Variants in PPFIA2 observed in about 807,000 individuals in gnomAD.
PPFIA2 encodes the protein PPFI scaffold protein A2.
Under a neutral mutation model 175.5 loss-of-function variants are expected in PPFIA2, and 46 were observed. The observed-to-expected ratio is 0.26, with a 90% CI of 0.21 to 0.34. The LOEUF (loss-of-function observed/expected upper bound fraction) is 0.34, where lower values mean the gene tolerates loss of function less well. Among genes scored for constraint, PPFIA2 ranks in the 10% least tolerant of loss-of-function variants. PPFIA2 has a pLI of 1.00. For missense variants in PPFIA2, 1,179 were observed against 1,506.1 expected (o/e 0.78, Z 3.60); for synonymous variants, 568 against 511.4 (o/e 1.11, Z -1.49).
In PPFIA2 at chr12:81,642,765, T is replaced by TATATTATACACATAC. The variant is rs1253121742; in HGVS notation, c.303+34025_303+34026insGTATGTGTATAATAT. Among the ~76,000 whole-genome samples the TATATTATACACATAC allele has an allele frequency of 2.6e-4, 2 of 7,666 alleles. 1 individual carries two copies. Among genetic ancestry groups the TATATTATACACATAC allele is most frequent in the Non-Finnish European group, 4.9e-4 (2 of 4,112 alleles). The allele number at this position is 7,666 out of a possible 152,430, so 5.0% of individuals were successfully genotyped here. A position where few individuals can be genotyped will look rare whatever the true frequency, so the allele number is the denominator to read the frequency against. ...TGTATGTATTATATACATACATGTATATGTATGTATGTATTATATACATAC... is the reference window on the plus strand; with the variant it reads ...TGTATGTATTATATACATACATGTATATATTATACACATACATGTATGTATGTATTATATACATAC... On this transcript the variant is annotated intron_variant, in intron 4 of 32. Transcript: ENST00000549396.
intron 3 of PPFIA2, among the ~76,000 whole-genome samples, chr12:81,693,379 G>A (rs2075489164): frequency 6.6e-6 from 1 of 151,862 alleles, no homozygotes; most frequent in Admixed American, 6.6e-5. Flanking sequence ...AAGAGTGTGT[G>A]GAACCTCCCC....
chr12:81,706,261 T>C (rs969767332), intron 3 of PPFIA2, among the ~76,000 whole-genome samples: 3 of 152,190 alleles, frequency 2.0e-5, no homozygotes, highest in South Asian at 4.1e-4. Context: ...CACTATGTAC[T>C]GCATAAGTAT....
chr12:81,634,343 AT>A (rs902380088), intron 4 of PPFIA2, among the ~76,000 whole-genome samples: 2 of 151,930 alleles, frequency 1.3e-5, no homozygotes, highest in Non-Finnish European at 2.9e-5. Flanking sequence ...AACGAGAATG[AT>A]TTCTGTAAGT....
intron 3 of PPFIA2, among the ~76,000 whole-genome samples, chr12:81,704,924 A>G (rs2076929313): frequency 6.6e-6 from 1 of 150,972 alleles, no homozygotes; most frequent in South Asian, 2.1e-4. Context: ...TCTCTACTAA[A>G]AATACAAAAA....
intron 4 of PPFIA2, among the ~76,000 whole-genome samples, chr12:81,649,133 C>T (rs1169731837): frequency 6.6e-6 from 1 of 151,972 alleles, no homozygotes; most frequent in Non-Finnish European, 1.5e-5. Flanking sequence ...TAAAATTGCT[C>T]TTTGAAAGGC....
chr12:81,500,045 C>A (rs1294117282), intron 4 of PPFIA2, among the ~76,000 whole-genome samples: 2 of 152,098 alleles, frequency 1.3e-5, no homozygotes, highest in Non-Finnish European at 2.9e-5. Flanking sequence ...CTGACCAGTC[C>A]CTCAAAGCAG....
At chr12:81,757,399 C>T (rs558051476) in intron 2 of PPFIA2, among the ~76,000 whole-genome samples, 5 of 152,206 alleles carry the variant, frequency 3.3e-5, no homozygotes, top group South Asian at 4.2e-4. Flanking sequence ...ATCATTCCCC[C>T]CTCAAAGTCA....
chr12:81,461,896 G>A (rs1193834838), intron 4 of PPFIA2, among the ~76,000 whole-genome samples: 1 of 151,792 alleles, frequency 6.6e-6, no homozygotes. Flanking sequence ...TTTTATAACT[G>A]AATTATGTGT....
chr12:81,643,817 T>C (rs1009404431), intron 4 of PPFIA2, among the ~76,000 whole-genome samples: 2 of 152,066 alleles, frequency 1.3e-5, no homozygotes, highest in African/African-American at 4.8e-5. Context: ...CTTCAAGTAG[T>C]AAGGTAATTT....
intron 3 of PPFIA2, among the ~76,000 whole-genome samples, chr12:81,693,599 C>T (rs574456250): frequency 1.3e-5 from 2 of 152,120 alleles, no homozygotes; most frequent in African/African-American, 2.4e-5. Context: ...TGGCCTAATA[C>T]AGAAAATTGG....
intron 24 of PPFIA2, among the ~76,000 whole-genome samples, chr12:81,285,192 T>C (rs1004766070): frequency 1.3e-5 from 2 of 152,136 alleles, no homozygotes; most frequent in Non-Finnish European, 2.9e-5. Context: ...AGGCATATCA[T>C]TGAAGGTATT....
At chr12:81,668,447 A>C (rs1463813889) in intron 4 of PPFIA2, among the ~76,000 whole-genome samples, 1 of 152,088 alleles carries the variant, frequency 6.6e-6, no homozygotes, top group Admixed American at 6.6e-5. Context: ...GCAAACTCCA[A>C]GGAATGCACA....
In PPFIA2 at chr12:81,720,541, A is replaced by ATC. The variant is rs373501462; in HGVS notation, c.249+33431_249+33432insGA. 2.4e-3 allele frequency among the ~76,000 whole-genome samples: 358 copies of ATC among 151,510 alleles called. 2 individuals are homozygous for ATC. Among genetic ancestry groups the ATC allele is most frequent in the African/African-American group, 8.4e-3 (347 of 41,432 alleles). ...CTTCTTTGGGATGCTACCTGTCTTC[A>ATC]ATACACAATAGGACCACCAATTAAA... is the stretch of plus-strand genomic sequence containing the variant. On this transcript the variant is annotated intron_variant, in intron 3 of 32. Coordinates refer to ENST00000549396, the MANE Select transcript of PPFIA2 (RefSeq NM_003625.5).
chr12:81,715,454 T>C (rs1446258054), intron 3 of PPFIA2, among the ~76,000 whole-genome samples: 1 of 151,724 alleles, frequency 6.6e-6, no homozygotes, highest in African/African-American at 2.4e-5. Context: ...TTACATTTTC[T>C]CAGATGATAT....
chr12:81,432,482 T>C (rs1018254657), intron 7 of PPFIA2, among the ~76,000 whole-genome samples: 8 of 143,958 alleles, frequency 5.6e-5, no homozygotes, highest in East Asian at 2.2e-4. Flanking sequence ...TTTTTTTTTT[T>C]CAATACAGAG....
chr12:81,281,874 T>C (rs1235445987), intron 26 of PPFIA2, among the ~76,000 whole-genome samples: 2 of 152,082 alleles, frequency 1.3e-5, no homozygotes, highest in South Asian at 4.1e-4. Flanking sequence ...TAATGGCAAA[T>C]GTTGATGTGA....
intron 4 of PPFIA2, among the ~76,000 whole-genome samples, chr12:81,508,521 C>CA (rs544893385): frequency 0.094 from 4,198 of 44,610 alleles, 290 homozygotes; most frequent in Non-Finnish European, 0.11. Context: ...AATTCCACCT[C>CA]AAAAAAAAAA....
intron 7 of PPFIA2, among the ~76,000 whole-genome samples, chr12:81,411,240 C>T (rs980057980): frequency 1.1e-4 from 17 of 151,982 alleles, no homozygotes; most frequent in African/African-American, 4.1e-4. Flanking sequence ...GTTTAATATT[C>T]CTGTGGCAAA....
intron 4 of PPFIA2, among the ~76,000 whole-genome samples, chr12:81,656,117 T>A (rs1383476074): frequency 6.6e-6 from 1 of 152,064 alleles, no homozygotes; most frequent in African/African-American, 2.4e-5. Flanking sequence ...CACTTTAGTT[T>A]CAACCTTTAT....
Sources: allele counts gnomAD v4.1 joint callset (sites outside exome capture counted in the v4.1 genomes callset), GRCh38; gene constraint gnomAD v4.1.1; transcripts MANE v1.5; gene names NCBI Gene and HGNC (gene_info 2026-07-23, HGNC 2026-07-21).